The following ATP10B variants were observed in gnomAD, a reference collection of about 807,000 sequenced individuals.
ATP10B encodes the protein phospholipid-transporting ATPase VB.
In ATP10B, 122 loss-of-function variants were observed where a neutral mutation model predicts 141.2. That is an observed-to-expected ratio of 0.86 (90% CI 0.75 to 1.00). The LOEUF (loss-of-function observed/expected upper bound fraction) is 1.00. ATP10B is among the 50% of genes least tolerant of loss of function. ATP10B has a pLI of 0.00. For synonymous variants in ATP10B, 685 were observed against 692.0 expected (o/e 0.99, Z 0.16); for missense variants, 1,876 against 1,825.3 (o/e 1.03, Z -0.51).
the ATP10B span, among the ~76,000 whole-genome samples, chr5:160,926,097 A>C: frequency 5.3e-5 from 8 of 152,202 alleles, no homozygotes; most frequent in Non-Finnish European, 1.0e-4. Context: ...GTGACCTTGG[A>C]ACTTTTAAAT....
At chr5:160,915,630 C>A in the ATP10B span, among the ~76,000 whole-genome samples, 1 of 152,148 alleles carries the variant, frequency 6.6e-6, no homozygotes, top group Admixed American at 6.5e-5. Flanking sequence ...CAGCGCCCGG[C>A]CCCACTGACT....
chr5:160,634,066 T>C (rs1220617474), intron 12 of ATP10B: 1 of 480,792 alleles, frequency 2.1e-6, no homozygotes, highest in Non-Finnish European at 3.8e-6. Flanking sequence ...TGCTGACAGA[T>C]AAAAAACTCG....
rs539366926 is a variant in ATP10B at position 160,573,913 on chromosome 5, G to A, written c.3751-4230C>T. ...AGGCCCCCTTTTGGCTATTAAGAAC[G>A]ATGTAACATTCCTGTACATGTCTCC... On this transcript the variant is annotated intron_variant, in intron 24 of 25. Transcript: ENST00000327245. Among the ~76,000 whole-genome samples, 36 of 152,260 alleles carry A rather than the reference G, an allele frequency of 2.4e-4. No individual in the cohort carries two copies. In the South Asian group the frequency reaches 7.3e-3, roughly 31 times the overall value.
chr5:160,647,912 T>C (rs1308752318), intron 8 of ATP10B, among the ~76,000 whole-genome samples: 1 of 152,150 alleles, frequency 6.6e-6, no homozygotes. Context: ...ATATCCCTCA[T>C]GGCCTGAGGA....
chr5:160,736,371 A>G (rs1581438401), intron 2 of ATP10B, among the ~76,000 whole-genome samples: 1 of 152,236 alleles, frequency 6.6e-6, no homozygotes, highest in Non-Finnish European at 1.5e-5. Context: ...GGAAATGAGC[A>G]AATTTCTAGA....
At chr5:160,659,631 GGA>G in intron 7 of ATP10B, among the ~76,000 whole-genome samples, 1 of 152,134 alleles carries the variant, frequency 6.6e-6, no homozygotes, top group African/African-American at 2.4e-5. Context: ...GGGTGTGTGA[GGA>G]GAGTGTGTAC....
chr5:160,633,751 G>C (rs1260715193), intron 12 of ATP10B: 2 of 164,326 alleles, frequency 1.2e-5, no homozygotes, highest in African/African-American at 4.9e-5. Context: ...TGTGTTGTGG[G>C]GGGGTGGGGA....
chr5:160,664,636 G>A (rs1170646119), intron 7 of ATP10B, among the ~76,000 whole-genome samples: 1 of 152,150 alleles, frequency 6.6e-6, no homozygotes, highest in Non-Finnish European at 1.5e-5. Context: ...GTCTGGGATG[G>A]GGCCTGAGAT....
chr5:160,797,261 C>T (rs991140740), intron 1 of ATP10B, among the ~76,000 whole-genome samples: 1 of 152,106 alleles, frequency 6.6e-6, no homozygotes, highest in African/African-American at 2.4e-5. Flanking sequence ...CAGCAAGGGC[C>T]CTGGAGGTTA....
chr5:160,881,399 A>G, the ATP10B span, among the ~76,000 whole-genome samples: 3 of 152,378 alleles, frequency 2.0e-5, no homozygotes, highest in Non-Finnish European at 2.9e-5. Context: ...TTACAAAACT[A>G]AACATACTAT....
intron 7 of ATP10B, among the ~76,000 whole-genome samples, chr5:160,665,253 A>G (rs1762257182): frequency 6.6e-6 from 1 of 152,188 alleles, no homozygotes; most frequent in African/African-American, 2.4e-5. Context: ...TGGGAGAAAG[A>G]CCCTTTTAAG....
intron 24 of ATP10B, among the ~76,000 whole-genome samples, chr5:160,582,212 C>A (rs954068198): frequency 6.6e-6 from 1 of 151,894 alleles, no homozygotes; most frequent in Admixed American, 6.6e-5. Flanking sequence ...GTTATTTTGC[C>A]CATTAGTTGA....
rs1284535874 is a variant in ATP10B at position 160,565,669 on chromosome 5, C to T, written c.4170G>A (p.Arg1390=). The change falls in exon 26 of 26, where the codon AGG becomes AGA. Residue 1390 remains arginine, a synonymous_variant. Transcript: ENST00000327245. ...GGAGTACTGACTCTTCCACATGCTT[C>T]CTCTTGGGAGGGTTAGAGCTCTTTG... The part of the protein sequence containing the change: ...STPKSSNPPK[R]KHVEESVLHE... 6.2e-7 allele frequency: 1 copy of T among 1,614,126 alleles called. No individual in the cohort carries two copies. The highest frequency in any genetic ancestry group is 2.2e-5 in the East Asian group (1 of 44,868).
the ATP10B span, among the ~76,000 whole-genome samples, chr5:160,918,640 A>G: frequency 6.6e-6 from 1 of 152,156 alleles, no homozygotes; most frequent in Non-Finnish European, 1.5e-5. Flanking sequence ...TTTCTTTAAG[A>G]TGTTGGAGAG....
At chr5:160,593,127 G>C (rs1370873372) in intron 22 of ATP10B, among the ~76,000 whole-genome samples, 1 of 152,210 alleles carries the variant, frequency 6.6e-6, no homozygotes. Context: ...GTGGGTCCGT[G>C]ACCCCTGACC....
chr5:160,818,122 T>C (rs967027841), intron 1 of ATP10B, among the ~76,000 whole-genome samples: 1 of 152,114 alleles, frequency 6.6e-6, no homozygotes, highest in African/African-American at 2.4e-5. Flanking sequence ...CCAAAAGCAA[T>C]GGCAACAAAA....
intron 1 of ATP10B, among the ~76,000 whole-genome samples, chr5:160,823,031 T>A (rs1284741358): frequency 1.7e-5 from 2 of 119,822 alleles, no homozygotes; most frequent in African/African-American, 3.1e-5. Flanking sequence ...TATATATATA[T>A]ATATAAAATA....
chr5:160,925,393 G>T, the ATP10B span, among the ~76,000 whole-genome samples: 1 of 152,182 alleles, frequency 6.6e-6, no homozygotes, highest in African/African-American at 2.4e-5. Context: ...AACCCTAGGG[G>T]ATGAGTTTAT....
At chr5:160,880,050 T>A in the ATP10B span, among the ~76,000 whole-genome samples, 1 of 151,128 alleles carries the variant, frequency 6.6e-6, no homozygotes, top group African/African-American at 2.4e-5. Flanking sequence ...AATATAAATC[T>A]AATAATCTAT....
Sources: allele counts gnomAD v4.1 joint callset (sites outside exome capture counted in the v4.1 genomes callset), GRCh38; gene constraint gnomAD v4.1.1; transcripts MANE v1.5; gene names NCBI Gene and HGNC (gene_info 2026-07-23, HGNC 2026-07-21).